Variants in PTPRD observed in about 807,000 individuals in gnomAD.
PTPRD encodes protein tyrosine phosphatase receptor type D.
A neutral mutation model predicts 214.5 loss-of-function variants in PTPRD; 34 were observed. The observed-to-expected ratio is 0.16, with a 90% confidence interval of 0.12 to 0.21. The LOEUF is 0.21. Among genes scored for constraint, PTPRD ranks in the 10% least tolerant of loss-of-function variants. The probability of loss-of-function intolerance (pLI) is 1.00; values close to 1 mark genes in which losing one functional copy is unlikely to be tolerated. For synonymous variants in PTPRD, 1,128 were observed against 845.7 expected (o/e 1.33, Z -5.79); for missense variants, 2,545 against 2,398.7 (o/e 1.06, Z -1.27).
chr9:9,701,067 T>C (rs2097490294), intron 7 of PTPRD, among the ~76,000 whole-genome samples: 1 of 151,904 alleles, frequency 6.6e-6, no homozygotes, highest in African/African-American at 2.4e-5. Flanking sequence ...TGAATAGGTA[T>C]TCCCCCTGTT....
intron 9 of PTPRD, among the ~76,000 whole-genome samples, chr9:9,307,183 C>A (rs1361574698): frequency 2.0e-5 from 3 of 152,116 alleles, no homozygotes; most frequent in Non-Finnish European, 4.4e-5. Context: ...AAACACATGG[C>A]AGTTAGCTGA....
intron 9 of PTPRD, among the ~76,000 whole-genome samples, chr9:9,331,971 C>A (rs2042477291): frequency 6.6e-6 from 1 of 152,002 alleles, no homozygotes; most frequent in Non-Finnish European, 1.5e-5. Context: ...AACATCCCCC[C>A]ACCTCTTTTT....
chr9:8,853,464 C>G (rs1044997091), intron 11 of PTPRD, among the ~76,000 whole-genome samples: 8 of 152,014 alleles, frequency 5.3e-5, no homozygotes, highest in African/African-American at 1.9e-4. Context: ...CAGATGTAAG[C>G]CAAGCATGAC....
At chr9:10,238,710 T>C (rs986880956) in intron 3 of PTPRD, among the ~76,000 whole-genome samples, 1 of 151,974 alleles carries the variant, frequency 6.6e-6, no homozygotes, top group Non-Finnish European at 1.5e-5. Context: ...CAATAATATA[T>C]AGCAAACTAT....
chr9:9,253,224 G>T (rs1440896882), intron 9 of PTPRD, among the ~76,000 whole-genome samples: 1 of 151,874 alleles, frequency 6.6e-6, no homozygotes, highest in Non-Finnish European at 1.5e-5. Context: ...AGAAAGCCAG[G>T]ATCATGATAT....
chr9:10,034,406 ACTTTTTT>A lies in PTPRD; in HGVS notation c.-544-623_-544-617del, dbSNP rs869185701. 1.6e-3 allele frequency among the ~76,000 whole-genome samples: 166 copies of A among 103,282 alleles called. 1 individual carries two copies. Among genetic ancestry groups the A allele is most frequent in the East Asian group, 5.0e-3 (22 of 4,380 alleles). The allele number at this position is 103,282 out of a possible 152,430, so 67.8% of individuals were successfully genotyped here. A position where few individuals can be genotyped will look rare whatever the true frequency, so the allele number is the denominator to read the frequency against. On this transcript the variant is annotated intron_variant, in intron 3 of 45. Transcript: ENST00000381196. ...GCACTCTGTCTCAGCTCCTGGCTCTACTTTTTTTTTTTTTTTTTTTTTTTTAAGAACT... is the reference window on the plus strand; with the variant it reads ...GCACTCTGTCTCAGCTCCTGGCTCTATTTTTTTTTTTTTTTTTTAAGAACT...
chr9:9,751,191 T>C (rs1210568208), intron 6 of PTPRD, among the ~76,000 whole-genome samples: 2 of 152,108 alleles, frequency 1.3e-5, no homozygotes, highest in African/African-American at 2.4e-5. Flanking sequence ...AAAATATTTT[T>C]ACAAGAGTAT....
chr9:9,371,907 A>G (rs2059612467), intron 9 of PTPRD, among the ~76,000 whole-genome samples: 1 of 152,106 alleles, frequency 6.6e-6, no homozygotes, highest in African/African-American at 2.4e-5. Flanking sequence ...TTCAGTTTCC[A>G]TGTAGTTGAG....
chr9:8,994,284 A>G (rs571610819), intron 11 of PTPRD, among the ~76,000 whole-genome samples: 2 of 152,244 alleles, frequency 1.3e-5, no homozygotes, highest in East Asian at 3.9e-4. Flanking sequence ...AAGGAATGAC[A>G]TGGTCAGCTT....
chr9:8,999,354 C>T (rs191200144), intron 11 of PTPRD, among the ~76,000 whole-genome samples: 1 of 152,208 alleles, frequency 6.6e-6, no homozygotes, highest in Admixed American at 6.5e-5. Flanking sequence ...GATCAGTCAG[C>T]AGTCATAAGC....
At chr9:9,778,094 G>A (rs1267577181) in intron 5 of PTPRD, among the ~76,000 whole-genome samples, 1 of 152,178 alleles carries the variant, frequency 6.6e-6, no homozygotes, top group Non-Finnish European at 1.5e-5. Flanking sequence ...GAGAGATCCA[G>A]TTATTGACTA....
In PTPRD at chr9:8,507,328, G is replaced by A. The variant is rs144617762; in HGVS notation, c.1650C>T (p.Val550=). ...CCTCTCCATGCTCCCCATCTTTGTAGACCAGTTCATAGTTGGCAATGGTAT... is the reference window on the plus strand; with the variant it reads ...CCTCTCCATGCTCCCCATCTTTGTAAACCAGTTCATAGTTGGCAATGGTAT... ...RSDTIANYEL[V]YKDGEHGEEQ... Residue 550 remains valine, a synonymous_variant, in exon 22 of 46, where the codon GTC becomes GTT. Coordinates refer to ENST00000381196, the MANE Select transcript of PTPRD (RefSeq NM_002839.4). 1.9e-6 allele frequency: 3 copies of A among 1,613,834 alleles called. No homozygotes were observed. In the African/African-American group the frequency reaches 4.0e-5, roughly 22 times the overall value.
Position 10,252,151 on chromosome 9 carries a change from AAAAG to A in PTPRD, c.-545+88808_-545+88811del, listed in dbSNP as rs559146390. Among the ~76,000 whole-genome samples, 604 of 151,512 alleles carry A rather than the reference AAAAG, an allele frequency of 4.0e-3. 7 individuals carry two copies. Among genetic ancestry groups the A allele is most frequent in the African/African-American group, 0.013 (552 of 41,436 alleles). On this transcript the variant is annotated intron_variant, in intron 3 of 45. Coordinates refer to ENST00000381196, the MANE Select transcript of PTPRD (RefSeq NM_002839.4). ...GAATAAAAATAATTTTTTAAACTAAAAAAGAGAGAGAGAGAGAACCTATGTCTTC... is the reference window on the plus strand; with the variant it reads ...GAATAAAAATAATTTTTTAAACTAAAAGAGAGAGAGAGAACCTATGTCTTC...
At chr9:9,722,134 G>A (rs1181328536) in intron 7 of PTPRD, among the ~76,000 whole-genome samples, 1 of 151,690 alleles carries the variant, frequency 6.6e-6, no homozygotes, top group Non-Finnish European at 1.5e-5. Flanking sequence ...ATACAATTCA[G>A]CAGTTTTTTT....
intron 3 of PTPRD, among the ~76,000 whole-genome samples, chr9:10,122,577 C>G (rs2098784750): frequency 6.6e-6 from 1 of 152,082 alleles, no homozygotes; most frequent in Admixed American, 6.6e-5. Context: ...TTATGTTTGC[C>G]TACTGAACGT....
intron 5 of PTPRD, among the ~76,000 whole-genome samples, chr9:9,827,674 A>C (rs1444876093): frequency 6.6e-6 from 1 of 152,208 alleles, no homozygotes; most frequent in Non-Finnish European, 1.5e-5. Context: ...AATTAAACTA[A>C]AGAGCTTCTG....
chr9:10,260,175 C>T (rs925695694), intron 3 of PTPRD, among the ~76,000 whole-genome samples: 4 of 152,122 alleles, frequency 2.6e-5, no homozygotes, highest in Non-Finnish European at 4.4e-5. Context: ...ATGTGGAAAC[C>T]GTAAATGTGA....
intron 7 of PTPRD, among the ~76,000 whole-genome samples, chr9:9,716,671 C>T (rs1293867587): frequency 3.9e-5 from 6 of 152,148 alleles, no homozygotes; most frequent in Non-Finnish European, 8.8e-5. Flanking sequence ...AGTGTCTGTT[C>T]ATGTCCTTTG....
intron 11 of PTPRD, among the ~76,000 whole-genome samples, chr9:8,741,396 T>C (rs943990535): frequency 8.5e-5 from 13 of 152,070 alleles, no homozygotes; most frequent in African/African-American, 2.7e-4. Context: ...ACGGTTAAAA[T>C]ACAAGTCTAT....
Sources: allele counts gnomAD v4.1 joint callset (sites outside exome capture counted in the v4.1 genomes callset), GRCh38; gene constraint gnomAD v4.1.1; transcripts MANE v1.5; gene names NCBI Gene and HGNC (gene_info 2026-07-23, HGNC 2026-07-21).